Variants in MDGA2 observed in about 807,000 individuals in gnomAD.
The protein encoded by MDGA2 is MAM domain-containing glycosylphosphatidylinositol anchor protein 2.
A neutral mutation model predicts 117.8 loss-of-function variants in MDGA2; 40 were observed. The ratio of observed to expected loss-of-function variants is 0.34; its 90% CI spans 0.26 to 0.44. The LOEUF is 0.44. Ranked by LOEUF, MDGA2 falls within the 20% of genes least tolerant of loss-of-function variation. MDGA2 has a pLI of 1.00. For synonymous variants in MDGA2, 452 were observed against 439.0 expected (o/e 1.03, Z -0.37); for missense variants, 1,123 against 1,250.6 (o/e 0.90, Z 1.54).
chr14:47,671,203 T>C (rs532427184), intron 1 of MDGA2, among the ~76,000 whole-genome samples: 5 of 152,304 alleles, frequency 3.3e-5, no homozygotes, highest in Non-Finnish European at 7.4e-5. Flanking sequence ...TCTTAGCTAT[T>C]GTGCAGTTCG....
At chr14:47,378,886 A>C (rs9671482) in intron 1 of MDGA2, among the ~76,000 whole-genome samples, 47 of 152,020 alleles carry the variant, frequency 3.1e-4, no homozygotes, top group African/African-American at 1.0e-3. Context: ...GATACTCCTC[A>C]AGAAGAGCAA....
At chr14:46,935,815 A>T (rs2416009) in intron 9 of MDGA2, among the ~76,000 whole-genome samples, 88,288 of 151,638 alleles carry the variant, frequency 0.58, 25,897 homozygotes, top group South Asian at 0.59. Context: ...AGGGATCGGT[A>T]TGGCAGAAAG....
At chr14:47,645,010 G>C (rs1897498851) in intron 1 of MDGA2, among the ~76,000 whole-genome samples, 1 of 152,092 alleles carries the variant, frequency 6.6e-6, no homozygotes, top group Non-Finnish European at 1.5e-5. Flanking sequence ...GCTGGAAAAG[G>C]CAAGGAAACT....
At chr14:47,013,790 A>ATATATC (rs768237823) in intron 8 of MDGA2, among the ~76,000 whole-genome samples, 6,179 of 133,060 alleles carry the variant, frequency 0.046, 574 homozygotes, top group Middle Eastern at 0.071. Flanking sequence ...ATATATATAT[A>ATATATC]TATCTCCTTT....
At chr14:47,056,994 C>G (rs2138759857) in intron 7 of MDGA2, among the ~76,000 whole-genome samples, 1 of 151,786 alleles carries the variant, frequency 6.6e-6, no homozygotes, top group Admixed American at 6.6e-5. Flanking sequence ...TTTAACTTAC[C>G]TGCAGTCTAG....
At chr14:47,381,188 C>A (rs573190609) in intron 1 of MDGA2, among the ~76,000 whole-genome samples, 1 of 152,238 alleles carries the variant, frequency 6.6e-6, no homozygotes, top group East Asian at 1.9e-4. Flanking sequence ...TCTCAATAAA[C>A]TAGGTATTGA....
At chr14:46,866,696 A>G (rs1245989007) in intron 14 of MDGA2, among the ~76,000 whole-genome samples, 1 of 145,806 alleles carries the variant, frequency 6.9e-6, no homozygotes, top group Non-Finnish European at 1.5e-5. Context: ...AATTTACAAG[A>G]AAAAAAAAAA....
chr14:46,929,477 A>G (rs1442759735), intron 9 of MDGA2, among the ~76,000 whole-genome samples: 1 of 150,102 alleles, frequency 6.7e-6, no homozygotes, highest in Non-Finnish European at 1.5e-5. Flanking sequence ...TTTGCTAATT[A>G]TTCCTCAAGG....
intron 5 of MDGA2, among the ~76,000 whole-genome samples, chr14:47,103,440 A>T (rs1242859515): frequency 6.6e-6 from 1 of 152,242 alleles, no homozygotes; most frequent in Non-Finnish European, 1.5e-5. Flanking sequence ...ATGTGGAGTT[A>T]TTATTCAAAT....
intron 1 of MDGA2, among the ~76,000 whole-genome samples, chr14:47,567,893 C>T (rs540175045): frequency 1.3e-5 from 2 of 152,128 alleles, no homozygotes; most frequent in East Asian, 2.0e-4. Flanking sequence ...TCTAAAACCT[C>T]GTATTCCTCT....
At chr14:47,300,024 T>C (rs970179875) in intron 2 of MDGA2, among the ~76,000 whole-genome samples, 1 of 152,236 alleles carries the variant, frequency 6.6e-6, no homozygotes, top group African/African-American at 2.4e-5. Context: ...CATAGTCTTA[T>C]CTATTTAATG....
intron 1 of MDGA2, among the ~76,000 whole-genome samples, chr14:47,530,556 G>A (rs1378513838): frequency 6.6e-6 from 1 of 151,970 alleles, no homozygotes; most frequent in African/African-American, 2.4e-5. Context: ...ATAATCAAAC[G>A]ATCCTAAATC....
chr14:47,504,950 T>C (rs1894480232), intron 1 of MDGA2, among the ~76,000 whole-genome samples: 1 of 152,114 alleles, frequency 6.6e-6, no homozygotes, highest in Non-Finnish European at 1.5e-5. Context: ...AACCTAGCTG[T>C]CCACCAACAA....
intron 1 of MDGA2, among the ~76,000 whole-genome samples, chr14:47,494,942 C>G (rs546298016): frequency 4.6e-4 from 69 of 150,510 alleles, no homozygotes; most frequent in African/African-American, 1.7e-3. Flanking sequence ...TACATATACA[C>G]ACACATATAT....
chr14:47,385,258 C>T (rs890862345), intron 1 of MDGA2, among the ~76,000 whole-genome samples: 14 of 151,902 alleles, frequency 9.2e-5, no homozygotes, highest in Non-Finnish European at 1.6e-4. Flanking sequence ...TGACACTGAT[C>T]GTTTCTGGAT....
chr14:47,546,705 C>T (rs1329360334), intron 1 of MDGA2, among the ~76,000 whole-genome samples: 5 of 152,112 alleles, frequency 3.3e-5, no homozygotes, highest in Middle Eastern at 3.2e-3. Flanking sequence ...ATCTGGCCAT[C>T]AAAGAAGGGT....
At chr14:47,525,783 G>A (rs182964092) in intron 1 of MDGA2, among the ~76,000 whole-genome samples, 21 of 151,138 alleles carry the variant, frequency 1.4e-4, no homozygotes, top group African/African-American at 4.9e-4. Context: ...GGTGTGTCCA[G>A]ATGTGTTTTT....
chr14:47,312,712 T>G (rs1363277161), intron 1 of MDGA2, among the ~76,000 whole-genome samples: 2 of 142,384 alleles, frequency 1.4e-5, no homozygotes, highest in East Asian at 2.1e-4. Flanking sequence ...TTTTTTTTTG[T>G]AGAGATAGGG....
chr14:46,936,741 A>C (rs78294479), intron 9 of MDGA2, among the ~76,000 whole-genome samples: 20 of 152,122 alleles, frequency 1.3e-4, no homozygotes, highest in African/African-American at 3.4e-4. Flanking sequence ...TAAAAAAAAA[A>C]CCAAAAGCTC....
Sources: gnomAD v4.1 joint callset for allele counts (sites outside exome capture counted in the v4.1 genomes callset) on GRCh38, gnomAD v4.1.1 for gene constraint, MANE v1.5 for transcripts, NCBI Gene and HGNC (gene_info 2026-07-23, HGNC 2026-07-21) for gene names.